MYO1D: variants seen among roughly 807,000 people sequenced by gnomAD.
MYO1D encodes unconventional myosin-Id.
A neutral mutation model predicts 122.0 loss-of-function variants in MYO1D; 83 were observed. The ratio of observed to expected loss-of-function variants is 0.68; its 90% confidence interval spans 0.57 to 0.82. The LOEUF is 0.82. Ranked by LOEUF, MYO1D falls within the 40% of genes least tolerant of loss-of-function variation. The pLI is 0.00. For synonymous variants in MYO1D, 464 were observed against 446.9 expected (o/e 1.04, Z -0.48); for missense variants, 1,157 against 1,269.5 (o/e 0.91, Z 1.35).
intron 1 of MYO1D, among the ~76,000 whole-genome samples, chr17:32,805,826 A>T (rs1204303949): frequency 6.6e-6 from 1 of 152,188 alleles, no homozygotes; most frequent in Non-Finnish European, 1.5e-5. Context: ...TCCTTCCTAG[A>T]GTTACTCCCT....
At chr17:32,498,601 C>A (rs563424141) in intron 21 of MYO1D, 1 of 152,176 alleles carries the variant, frequency 6.6e-6, no homozygotes, top group Admixed American at 6.5e-5. Flanking sequence ...CCTGGGAAGC[C>A]GCCTGCCCTC....
chr17:32,678,056 G>C (rs1176842746), intron 16 of MYO1D, among the ~76,000 whole-genome samples: 1 of 152,100 alleles, frequency 6.6e-6, no homozygotes, highest in East Asian at 1.9e-4. Context: ...ACAGAAGATG[G>C]ACACTATGGT....
intron 20 of MYO1D, among the ~76,000 whole-genome samples, chr17:32,618,494 C>A (rs2087807188): frequency 6.6e-6 from 1 of 152,104 alleles, no homozygotes. Context: ...TCAAGGGCAC[C>A]ATCAAGAAGA....
Position 32,738,326 on chromosome 17 carries a change from G to A in MYO1D, c.1673C>T (p.Thr558Ile). 1 of 1,610,946 alleles carries A rather than the reference G, an allele frequency of 6.2e-7. No homozygotes were observed. The change falls in exon 14 of 22, where the codon ACC becomes ATC. Residue 558 changes from threonine (T) to isoleucine (I), a missense_variant. Thr to Ile is a moderately conservative substitution (Grantham distance 89, BLOSUM62 -1). Coordinates refer to ENST00000318217, the MANE Select transcript of MYO1D (RefSeq NM_015194.3). ...GGTAGCAGCAGTCAGAGGTCGCTTG[G>A]TCACCTCTGTAATGCTCAGTTTGCC... ...PEGKLSITEV[T>I]KRPLTAATLF...
chr17:32,546,459 C>T (rs2086965488), intron 21 of MYO1D, among the ~76,000 whole-genome samples: 1 of 152,328 alleles, frequency 6.6e-6, no homozygotes, highest in Admixed American at 6.5e-5. Context: ...AGCAGGGGCA[C>T]ACAGAAAACC....
At chr17:32,654,418 A>G in intron 18 of MYO1D, 59 bp downstream of exon 18, 1 of 1,522,194 alleles carries the variant, frequency 6.6e-7, no homozygotes, top group Non-Finnish European at 8.9e-7. Context: ...GGAGATATGT[A>G]CTTCTCTTTT....
At chr17:32,550,920 A>G (rs757145205) in intron 21 of MYO1D, among the ~76,000 whole-genome samples, 1 of 152,088 alleles carries the variant, frequency 6.6e-6, no homozygotes, top group South Asian at 2.1e-4. Flanking sequence ...GGTTACAGGG[A>G]GCTATGATTG....
At chr17:32,555,436 TGTGTGCTTCCA>T (rs761287115) in intron 21 of MYO1D, among the ~76,000 whole-genome samples, 3 of 151,534 alleles carry the variant, frequency 2.0e-5, no homozygotes, top group Non-Finnish European at 4.4e-5. Context: ...ATGGTTTGAA[TGTGTGCTTCCA>T]GTTTTTTTTA....
At chr17:32,759,091 AAC>A (rs1486405036) in intron 10 of MYO1D, among the ~76,000 whole-genome samples, 1 of 152,168 alleles carries the variant, frequency 6.6e-6, no homozygotes, top group Non-Finnish European at 1.5e-5. Context: ...TATATTATAC[AAC>A]AGTTTCATTC....
intron 14 of MYO1D, chr17:32,727,607 C>T (rs796997097): frequency 1.3e-5 from 2 of 152,026 alleles, no homozygotes; most frequent in East Asian, 3.9e-4. Context: ...ACCTTTCTCC[C>T]ACAATAATCA....
At chr17:32,572,818 T>C (rs1240803923) in intron 21 of MYO1D, among the ~76,000 whole-genome samples, 3 of 152,000 alleles carry the variant, frequency 2.0e-5, no homozygotes, top group African/African-American at 7.2e-5. Context: ...ATCTTCTCCT[T>C]CTTCTCGTCA....
At chr17:32,613,619 C>T (rs747691332) in intron 20 of MYO1D, among the ~76,000 whole-genome samples, 2 of 151,642 alleles carry the variant, frequency 1.3e-5, no homozygotes, top group Non-Finnish European at 2.9e-5. Context: ...ACTAAAAATA[C>T]AAAAATTAGC....
intron 20 of MYO1D, among the ~76,000 whole-genome samples, chr17:32,625,448 G>T (rs530545497): frequency 6.6e-6 from 1 of 152,156 alleles, no homozygotes; most frequent in African/African-American, 2.4e-5. Flanking sequence ...TTCCTGCCTG[G>T]GATTCTTACA....
At position 32,804,467 on chromosome 17, in the gene MYO1D, G is replaced by C. The variant is rs544252994; in HGVS notation, c.96-23683C>G. The stretch of plus-strand genomic sequence containing the variant: ...TTTATTTTTAAATATTGTCCTTTAA[G>C]AACTATTTGAAGACCCACCATCTCC... On this transcript the variant is annotated intron_variant, in intron 1 of 21. Coordinates refer to ENST00000318217, the MANE Select transcript of MYO1D (RefSeq NM_015194.3). 2.0e-3 allele frequency among the ~76,000 whole-genome samples: 310 copies of C among 152,162 alleles called. 3 individuals carry two copies. Among genetic ancestry groups the C allele is most frequent in the African/African-American group, 7.2e-3 (301 of 41,520 alleles).
intron 1 of MYO1D, among the ~76,000 whole-genome samples, chr17:32,871,210 C>G (rs565243838): frequency 6.6e-6 from 1 of 152,326 alleles, no homozygotes; most frequent in East Asian, 1.9e-4. Context: ...CACCCACACA[C>G]AACCCCCCCA....
chr17:32,574,832 A>G (rs115854403), intron 21 of MYO1D, among the ~76,000 whole-genome samples: 4,154 of 152,242 alleles, frequency 0.027, 194 homozygotes, highest in African/African-American at 0.095. Flanking sequence ...AGGGATCATG[A>G]GCTTTGAAGT....
At chr17:32,779,056 C>T (rs1413993496) in intron 2 of MYO1D, among the ~76,000 whole-genome samples, 1 of 151,968 alleles carries the variant, frequency 6.6e-6, no homozygotes, top group African/African-American at 2.4e-5. Context: ...AACAAAACAG[C>T]AAGCTCCAGA....
intron 20 of MYO1D, among the ~76,000 whole-genome samples, chr17:32,638,242 T>C (rs183251029): frequency 5.4e-4 from 83 of 152,342 alleles, no homozygotes; most frequent in African/African-American, 1.8e-3. Flanking sequence ...TGTATGGTTA[T>C]AGTGAACAAT....
At chr17:32,622,671 A>G (rs2087868289) in intron 20 of MYO1D, among the ~76,000 whole-genome samples, 1 of 152,224 alleles carries the variant, frequency 6.6e-6, no homozygotes. Flanking sequence ...ATCAAAGATT[A>G]GACAGTGAGG....
Sources: gnomAD v4.1 joint callset for allele counts (sites outside exome capture counted in the v4.1 genomes callset) on GRCh38, gnomAD v4.1.1 for gene constraint, MANE v1.5 for transcripts, NCBI Gene and HGNC (gene_info 2026-07-23, HGNC 2026-07-21) for gene names.